The following ABCA2 variants were observed in gnomAD, a reference collection of about 807,000 sequenced individuals.
ABCA2 encodes the protein ATP binding cassette subfamily A member 2.
In ABCA2, 84 loss-of-function variants were observed where a neutral mutation model predicts 262.8. The observed-to-expected ratio is 0.32, with a 90% confidence interval of 0.27 to 0.38. The LOEUF (loss-of-function observed/expected upper bound fraction) is 0.38. Among genes scored for constraint, ABCA2 ranks in the 10% least tolerant of loss-of-function variants. The probability of loss-of-function intolerance (pLI) is 1.00; values close to 1 mark genes in which losing one functional copy is unlikely to be tolerated. For missense variants in ABCA2, 2,662 were observed against 3,405.9 expected, an observed-to-expected ratio of 0.78 and a Z score of 5.44; for synonymous variants, 1,696 against 1,502.9, an observed-to-expected ratio of 1.13 and a Z score of -2.97.
At chr9:137,018,563 G>T (rs1164499952) in intron 13 of ABCA2, among the ~76,000 whole-genome samples, 156 bp downstream of exon 13, 2 of 99,490 alleles carry the variant, frequency 2.0e-5, no homozygotes, top group Admixed American at 2.1e-4. Context: ...GGTTGGGGCC[G>T]TTTGGAAGGG....
At chr9:137,020,520 G>A (rs1244526289) in intron 9 of ABCA2, 25 bp from the exon 10 acceptor site, 3 of 1,566,270 alleles carry the variant, frequency 1.9e-6, no homozygotes, top group Non-Finnish European at 2.6e-6. Flanking sequence ...AGGGGGCCGG[G>A]CCAGGCCGTT....
At chr9:137,009,233 C>A (rs1347308400) in intron 45 of ABCA2, 137 bp downstream of exon 45, 34 of 532,750 alleles carry the variant, frequency 6.4e-5, no homozygotes, top group Admixed American at 1.5e-4. Context: ...CTGCCCCAGT[C>A]CCCCCAGCCC....
Position 137,021,040 on chromosome 9 carries a change from C to T in ABCA2, c.919G>A (p.Gly307Ser), listed in dbSNP as rs1437627765. Reference protein sequence around the residue: ...SQQLGLDAPNGSDSSPQAPPP... With the variant: ...SQQLGLDAPNSSDSSPQAPPP... ...GGCGCCTGTGGCGAGGAGTCCGAGC[C>T]GTTGGGGGCATCCAGGCCCAGCTGA... Residue 307 changes from glycine to serine, a missense_variant, in exon 9 of 49, where the codon GGC (glycine) becomes AGC (serine). Transcript: ENST00000341511. This position sits in a 1 kb window ranked among gnomAD's most constrained non-coding sequence, Gnocchi z 6.0. The T allele has an allele frequency of 7.4e-6, 11 of 1,480,854 alleles. No homozygotes were observed. Among genetic ancestry groups the T allele is most frequent in the Admixed American group, 2.6e-5 (1 of 38,834 alleles). 91.7% of individuals were successfully genotyped at this position (1,480,854 alleles called of 1,614,324 possible).
At chr9:137,012,978 C>T (rs752250283) in intron 30 of ABCA2, 24 bp downstream of exon 30, 2 of 1,480,646 alleles carry the variant, frequency 1.4e-6, no homozygotes, top group Non-Finnish European at 1.8e-6. Flanking sequence ...CCCTGCCCCC[C>T]CAGCAGGCCC....
In ABCA2 at chr9:137,018,307, C is replaced by G. The variant is rs762840768; in HGVS notation, c.1864G>C (p.Val622Leu). 7.1e-6 allele frequency: 11 copies of G among 1,545,834 alleles called. No individual in the cohort carries two copies. The highest frequency in any genetic ancestry group is 8.7e-6 in the Non-Finnish European group (10 of 1,143,104). The change falls in exon 14 of 49, where the codon GTG (valine) becomes CTG (leucine). Residue 622 changes from valine to leucine, a missense_variant. Physicochemically the swap from Val to Leu is conservative, Grantham distance 32. Coordinates refer to ENST00000341511, the MANE Select transcript of ABCA2 (RefSeq NM_001606.5). Reference protein sequence around the residue: ...TRKDGSLPPHVHYKIRQNSSF... With the variant: ...TRKDGSLPPHLHYKIRQNSSF... ...GAGTTCTGGCGGATCTTGTAGTGCA[C>G]GTGAGGCGGGAGCGAGCCGTCCTTC...
Position 137,016,993 on chromosome 9 carries a change from C to T in ABCA2, c.2685G>A (p.Leu895=). 1 of 1,612,804 alleles carries T rather than the reference C, an allele frequency of 6.2e-7. No individual in the cohort carries two copies. The highest frequency in any genetic ancestry group is 8.5e-7 in the Non-Finnish European group (1 of 1,179,988). Residue 895 remains leucine (L), a synonymous_variant, in exon 19 of 49, where the codon CTG becomes CTA. Transcript: ENST00000341511. The part of the protein sequence containing the change: ...PVEGDDFNLL[L]AVTMLMVDAV... ...CGTCCACCATCAGCATGGTGACAGC[C>T]AGGAGCAAGTTGAAGTCGTCCCCCT...
chr9:137,020,973 TC>T lies in ABCA2; in HGVS notation c.985del (p.Asp329MetfsTer106). 6.5e-7 allele frequency: 1 copy of T among 1,544,674 alleles called. No homozygotes were observed. Among genetic ancestry groups the T allele is most frequent in the Non-Finnish European group, 8.7e-7 (1 of 1,144,156 alleles). ...CACATCCTGCAGAACCTTCTGGGCA[TC>T]CAGCAGGTCCCCCAGAAGCGCCTGC... ...RLQALLGDLL[D>X]AQKVLQDVDV... On this transcript the variant is annotated frameshift_variant, in exon 9 of 49. Coordinates refer to ENST00000341511, the MANE Select transcript of ABCA2 (RefSeq NM_001606.5). LOFTEE classifies it high-confidence loss of function.
rs1831145324 is a variant in ABCA2 at position 137,013,524 on chromosome 9, T to C, written c.4487A>G (p.His1496Arg). Reference sequence around the variant, plus strand: ...ATTGCCACGGGGCTGGGTGTAGTTGTGGTACTGGGAAGGTGACAGGACCAG... The same window carrying C: ...ATTGCCACGGGGCTGGGTGTAGTTGCGGTACTGGGAAGGTGACAGGACCAG... ...PPLVLSPSQY[H>R]NYTQPRGNFI... Residue 1496 changes from histidine (H) to arginine (R), a missense_variant, in exon 29 of 49, where the codon CAC becomes CGC. Physicochemically the swap from His to Arg is conservative, Grantham distance 29. This residue lies in a region of ABCA2 where 75 missense variants were observed against 118.3 expected (regional missense o/e 0.63). Transcript: ENST00000341511. 1.2e-6 allele frequency: 2 copies of C among 1,610,180 alleles called. No homozygotes were observed. Among genetic ancestry groups the C allele is most frequent in the African/African-American group, 1.3e-5 (1 of 74,906 alleles).
Position 137,012,719 on chromosome 9 carries a change from G to A in ABCA2, c.5074C>T (p.Leu1692=). ...YLLFTSDRFR[L]HRYGAITFGN... is the part of the protein sequence containing the mutation. ...CCTCCCCACCCAGCTCACCGGTGCA[G>A]TCGGAAGCGGTCGGAGGTGAAGAGC... Residue 1692 remains leucine, a synonymous_variant, in exon 31 of 49, where the codon CTG becomes TTG. Transcript: ENST00000341511. 13 of 1,612,548 alleles carry A rather than the reference G, an allele frequency of 8.1e-6. No individual in the cohort carries two copies. The highest frequency in any genetic ancestry group is 1.1e-5 in the Non-Finnish European group (13 of 1,179,836).
At chr9:137,014,594 G>A in intron 26 of ABCA2, 96 bp downstream of exon 26, 1 of 1,515,796 alleles carries the variant, frequency 6.6e-7, no homozygotes, top group Non-Finnish European at 8.9e-7. Flanking sequence ...CCAGGACCAG[G>A]GTGGCGCCCC....
Position 137,009,851 on chromosome 9 carries a change from G to A in ABCA2, c.6548C>T (p.Pro2183Leu), listed in dbSNP as rs992934331. 6.8e-6 allele frequency: 11 copies of A among 1,612,282 alleles called. No individual in the cohort carries two copies. The highest frequency in any genetic ancestry group is 2.7e-5 in the African/African-American group (2 of 74,914). The change falls in exon 43 of 49, where the codon CCG (proline) becomes CTG (leucine). Residue 2183 changes from proline (P) to leucine (L), a missense_variant. Around this residue, in one of 12 missense-constraint regions of ABCA2, gnomAD observed 602 missense variants for 897.4 expected, o/e 0.67. Coordinates refer to ENST00000341511, the MANE Select transcript of ABCA2 (RefSeq NM_001606.5). ...GTTGCCGCCGCTGTAGGTGCCAGCCGGCTTGTCTGCGTACTTGGTCAGCTC... is the reference window on the plus strand; with the variant it reads ...GTTGCCGCCGCTGTAGGTGCCAGCCAGCTTGTCTGCGTACTTGGTCAGCTC... ...KLELTKYADK[P>L]AGTYSGGNKR... is the part of the protein sequence containing the mutation.
intron 4 of ABCA2, 35 bp from the exon 5 acceptor site, chr9:137,022,900 T>TGGGGTGGGGGGGGGG: frequency 3.4e-6 from 1 of 293,982 alleles, no homozygotes; most frequent in Non-Finnish European, 6.0e-6. Context: ...CTGGATGGGC[T>TGGGGTGGGGGGGGGG]GGGGAGGGGT....
In ABCA2 at chr9:137,012,837, G is replaced by A; in HGVS notation, c.4956C>T (p.Cys1652=). ...TCSAQGTGFS[C]PSSVGGHPPQ... is the part of the protein sequence containing the mutation. ...GCGGGTGCCCGCCCACACTGCTGGG[G>A]CAGGAGAAGCCGGTGCCCTGCGCAG... The change falls in exon 31 of 49, where the codon TGC becomes TGT. Residue 1652 remains cysteine, a synonymous_variant. Transcript: ENST00000341511. 1.2e-6 allele frequency: 2 copies of A among 1,610,414 alleles called. No individual in the cohort carries two copies. The highest frequency in any genetic ancestry group is 1.7e-6 in the Non-Finnish European group (2 of 1,178,984).
At position 137,010,215 on chromosome 9, in the gene ABCA2, C is replaced by T. The variant is rs1473502065; in HGVS notation, c.6331G>A (p.Glu2111Lys). ...LTGDESTTGG[E>K]AFVNGHSVLK... ...CACCTGTGTCCATTGACGAAGGCCTCGCCCCCCGTCGTGCTCTCGTCGCCG... is the reference window on the plus strand; with the variant it reads ...CACCTGTGTCCATTGACGAAGGCCTTGCCCCCCGTCGTGCTCTCGTCGCCG... The change falls in exon 41 of 49, where the codon GAG becomes AAG. Residue 2111 changes from glutamate (E) to lysine (K), a missense_variant. By Grantham distance (56) the Glu-to-Lys change is moderately conservative. Coordinates refer to ENST00000341511, the MANE Select transcript of ABCA2 (RefSeq NM_001606.5). 9 of 1,604,288 alleles carry T rather than the reference C, an allele frequency of 5.6e-6. No homozygotes were observed. Among genetic ancestry groups the T allele is most frequent in the Non-Finnish European group, 6.8e-6 (8 of 1,178,370 alleles).
In ABCA2 at chr9:137,010,676, G is replaced by A. The variant is rs772050092; in HGVS notation, c.6118C>T (p.Arg2040Ter). ...TTGTCGGCGTCTCCCCGGAGCACTC[G>A]CTGCCGCTCACTGGCCACGTCCACA... ...DDVDVASERQ[R>*]VLRGDADNDM... The change falls in exon 40 of 49, where the codon CGA becomes TGA. Residue 2040 changes from arginine to a stop codon, truncating the protein, a stop_gained. Coordinates refer to ENST00000341511, the MANE Select transcript of ABCA2 (RefSeq NM_001606.5). LOFTEE classifies it high-confidence loss of function. The A allele has an allele frequency of 1.9e-6, 3 of 1,609,412 alleles. No individual in the cohort carries two copies. The highest frequency in any genetic ancestry group is 1.1e-5 in the South Asian group (1 of 90,996).
Position 137,014,215 on chromosome 9 carries a change from C to T in ABCA2, c.4193G>A (p.Arg1398His), listed in dbSNP as rs761540588. Residue 1398 changes from arginine to histidine, a missense_variant, in exon 27 of 49, where the codon CGC becomes CAC. Arg to His is a conservative substitution (Grantham distance 29). Around this residue, in one of 12 missense-constraint regions of ABCA2, gnomAD observed 297 missense variants for 286.5 expected, o/e 1.04. Transcript: ENST00000341511. ...GTCCTGTGGGTTATCAAAGAGGGGG[C>T]GGTAGTCGCCATAGACGTCGGTGTA... ...AGYTDVYGDY[R>H]PLFDNPQDPD... is the part of the protein sequence containing the mutation. 63 of 1,609,250 alleles carry T rather than the reference C, an allele frequency of 3.9e-5. No homozygotes were observed. The highest frequency in any genetic ancestry group is 1.1e-4 in the East Asian group (5 of 44,780).
intron 19 of ABCA2, 74 bp downstream of exon 19, chr9:137,016,846 G>A: frequency 6.3e-7 from 1 of 1,579,506 alleles, no homozygotes; most frequent in South Asian, 1.1e-5. Flanking sequence ...TCCAGGAGTG[G>A]ACACAGACTG....
In ABCA2 at chr9:137,021,027, G is replaced by A. The variant is rs536515772; in HGVS notation, c.932C>T (p.Ser311Leu). 3.2e-5 allele frequency: 48 copies of A among 1,485,384 alleles called. 1 individual carries two copies. Among genetic ancestry groups the A allele is most frequent in the African/African-American group, 1.8e-4 (13 of 71,004 alleles). The allele number at this position is 1,485,384 out of a possible 1,614,324, so 92.0% of individuals were successfully genotyped here. ...GLDAPNGSDS[S>L]PQAPPPRRLQ... is the part of the protein sequence containing the mutation. ...CCTCCGTGGGGGTGGCGCCTGTGGC[G>A]AGGAGTCCGAGCCGTTGGGGGCATC... The change falls in exon 9 of 49, where the codon TCG (serine) becomes TTG (leucine). Residue 311 changes from serine (S) to leucine (L), a missense_variant. By Grantham distance (145) the Ser-to-Leu change is moderately radical. Around this residue, in one of 12 missense-constraint regions of ABCA2, gnomAD observed 403 missense variants for 375.9 expected, o/e 1.07. Coordinates refer to ENST00000341511, the MANE Select transcript of ABCA2 (RefSeq NM_001606.5). The surrounding 1 kb of genome is among the most constrained non-coding windows in gnomAD (Gnocchi z 6.0).
In ABCA2 at chr9:137,024,103, C is replaced by T. The variant is rs781075455; in HGVS notation, c.160+40G>A. 2.0e-5 allele frequency: 32 copies of T among 1,575,676 alleles called. No individual in the cohort carries two copies. The African/African-American group carries it at 2.3e-4, about 11-fold the overall frequency. On this transcript the variant is annotated intron_variant, in intron 2 of 48. Coordinates refer to ENST00000341511, the MANE Select transcript of ABCA2 (RefSeq NM_001606.5). ...CACAGCGCAGGCGTGCGAGGTGCCG[C>T]GCTCCCCCGGCTGTGCCTGGGGCCT... is the stretch of plus-strand genomic sequence containing the variant.
Sources: allele counts gnomAD v4.1 joint callset (sites outside exome capture counted in the v4.1 genomes callset), GRCh38; gene constraint gnomAD v4.1.1; regional missense constraint gnomAD v4.1.1; non-coding constraint Gnocchi (gnomAD v3.1); transcripts MANE v1.5; gene names NCBI Gene and HGNC (gene_info 2026-07-23, HGNC 2026-07-21).